Variants in FASTK observed in about 807,000 individuals in gnomAD.
FASTK encodes Fas activated serine/threonine kinase.
Under a neutral mutation model 60.0 loss-of-function variants are expected in FASTK, and 28 were observed. That is an observed-to-expected ratio of 0.47 (90% CI 0.35 to 0.64). The LOEUF (loss-of-function observed/expected upper bound fraction) is 0.64, where lower values mean the gene tolerates loss of function less well. Among genes scored for constraint, FASTK ranks in the 30% least tolerant of loss-of-function variants. The probability of loss-of-function intolerance (pLI) is 0.01; values close to 1 mark genes in which losing one functional copy is unlikely to be tolerated. For synonymous variants in FASTK, 325 were observed against 307.9 expected, an observed-to-expected ratio of 1.06 and a Z score of -0.58; for missense variants, 595 against 713.8, an observed-to-expected ratio of 0.83 and a Z score of 1.90.
Position 151,077,700 on chromosome 7 carries a change from C to G in FASTK, c.1120G>C (p.Gly374Arg). Residue 374 changes from glycine to arginine, a missense_variant, in exon 6 of 10, where the codon GGT (glycine) becomes CGT (arginine). Gly to Arg is a moderately radical substitution (Grantham distance 125). Around this residue, in one of 2 missense-constraint regions of FASTK, gnomAD observed 471 missense variants for 605.9 expected, o/e 0.78. Coordinates refer to ENST00000297532, the MANE Select transcript of FASTK (RefSeq NM_006712.5). ...TGCTGCCTTCGGGGAAGGCGGGGAC[C>G]CCGGTATCCTGGGAGCTCCAGCTCC... ...AVELELPGYR[G>R]PRLPRRQQVP... 6.3e-7 allele frequency: 1 copy of G among 1,589,394 alleles called. No individual in the cohort carries two copies.
At chr7:151,080,422 G>T in intron 1 of FASTK, 1 of 1,178,748 alleles carries the variant, frequency 8.5e-7, no homozygotes, top group South Asian at 3.0e-5. Context: ...TTCCATGCTG[G>T]GCGCTCCCAC....
Position 151,079,834 on chromosome 7 carries a change from T to C in FASTK, c.171A>G (p.Pro57=), listed in dbSNP as rs1797885172. ...ARLSGLLLIP[P]VQPCCLGPSK... is the part of the protein sequence containing the mutation. ...TGGGCCCCAAACAGCAGGGCTGTAC[T>C]GGAGGGATCAGCAGCAGGCCAGACA... Residue 57 remains proline, a synonymous_variant, in exon 2 of 10, where the codon CCA becomes CCG. Transcript: ENST00000297532. The C allele has an allele frequency of 6.2e-7, 1 of 1,602,988 alleles. No individual in the cohort carries two copies. The highest frequency in any genetic ancestry group is 8.5e-7 in the Non-Finnish European group (1 of 1,175,008).
At chr7:151,077,441 C>A (rs1356203738) in intron 6 of FASTK, 40 bp from the exon 7 acceptor site, 22 of 1,595,882 alleles carry the variant, frequency 1.4e-5, no homozygotes, top group Non-Finnish European at 1.8e-5. Context: ...GGGCCCGGCA[C>A]CTCATCCTAA....
rs1797893832 is a variant in FASTK at position 151,079,937 on chromosome 7, A to G, written c.83-15T>C. 6.4e-6 allele frequency: 10 copies of G among 1,556,452 alleles called. No individual in the cohort carries two copies. Among genetic ancestry groups the G allele is most frequent in the Non-Finnish European group, 8.7e-6 (10 of 1,144,742 alleles). On this transcript the variant is annotated splice_polypyrimidine_tract_variant and intron_variant, in intron 1 of 9. Coordinates refer to ENST00000297532, the MANE Select transcript of FASTK (RefSeq NM_006712.5). Reference sequence around the variant, plus strand: ...TGATGGAGACCCTGAGGGGCAGCCCAAAAAAGGGGGTGAGGTTTTCTCCAA... The same window carrying G: ...TGATGGAGACCCTGAGGGGCAGCCCGAAAAAGGGGGTGAGGTTTTCTCCAA...
chr7:151,078,634 C>A lies in FASTK; in HGVS notation c.753G>T (p.Arg251=). 6.2e-7 allele frequency: 1 copy of A among 1,613,504 alleles called. No homozygotes were observed. The highest frequency in any genetic ancestry group is 1.1e-5 in the South Asian group (1 of 91,076). Residue 251 remains arginine, a synonymous_variant, in exon 4 of 10, where the codon CGG becomes CGT. Coordinates refer to ENST00000297532, the MANE Select transcript of FASTK (RefSeq NM_006712.5). ...VLLAQHLARH[R]LREPQLLEAI... is the part of the protein sequence containing the mutation. The stretch of plus-strand genomic sequence containing the variant: ...CTTCCAGAAGCTGGGGCTCCCGCAA[C>A]CGGTGCCGGGCCAGGTGCTGGGCCA...
chr7:151,080,606 G>T, intron 1 of FASTK, 79 bp downstream of exon 1: 1 of 1,355,364 alleles, frequency 7.4e-7, no homozygotes, highest in East Asian at 3.1e-5. Flanking sequence ...GCCCAGGGAC[G>T]CCAGGAGACC....
rs546739829 is a variant in FASTK, at chr7:151,078,758, C to G, written c.686-57G>C. On this transcript the variant is annotated intron_variant, in intron 3 of 9. Transcript: ENST00000297532. ...AGCCGGACCTCCGGCTGGCTCAATT[C>G]CACCTCAGCCCAGCCAACTGAGCCC... 677 of 1,610,116 alleles carry G rather than the reference C, an allele frequency of 4.2e-4. 2 individuals are homozygous for G. The South Asian group carries it at 6.9e-3, about 16-fold the overall frequency.
rs1158523525 is a variant in FASTK, at chr7:151,076,844, G to A, written c.1543-12C>T. The A allele has an allele frequency of 6.2e-7, 1 of 1,605,834 alleles. No individual in the cohort carries two copies. Among genetic ancestry groups the A allele is most frequent in the Non-Finnish European group, 8.5e-7 (1 of 1,175,682 alleles). On this transcript the variant is annotated splice_polypyrimidine_tract_variant and intron_variant, in intron 9 of 9. Coordinates refer to ENST00000297532, the MANE Select transcript of FASTK (RefSeq NM_006712.5). ...TCCTCGAAGGGTAGCTGTGGGGAGA[G>A]GAGAGGGCGGCAGGTTACCCGCAGG...
At position 151,076,985 on chromosome 7, in the gene FASTK, G is replaced by T; in HGVS notation, c.1470C>A (p.Asp490Glu). 1.2e-6 allele frequency: 2 copies of T among 1,612,422 alleles called. No individual in the cohort carries two copies. The highest frequency in any genetic ancestry group is 1.3e-5 in the African/African-American group (1 of 75,070). Reference protein sequence around the residue: ...VLRERWHFCRDGRVLLGSRAL... With the variant: ...VLRERWHFCREGRVLLGSRAL... ...CCCTCGAGCCCAGCAGCACCCGGCC[G>T]TCCCGGCAGAAATGCCAGCGTTCCC... The change falls in exon 9 of 10, where the codon GAC (aspartate) becomes GAA (glutamate). Residue 490 changes from aspartate to glutamate, a missense_variant. Asp to Glu is a conservative substitution (Grantham distance 45). Around this residue, in one of 2 missense-constraint regions of FASTK, gnomAD observed 471 missense variants for 605.9 expected, o/e 0.78. Coordinates refer to ENST00000297532, the MANE Select transcript of FASTK (RefSeq NM_006712.5).
At chr7:151,079,202 C>T (rs1179774966) in intron 2 of FASTK, 181 bp from the exon 3 acceptor site, 6 of 605,998 alleles carry the variant, frequency 9.9e-6, no homozygotes, top group Non-Finnish European at 5.5e-6. Flanking sequence ...GGTATCGAAA[C>T]GGTTTGTAGG....
intron 1 of FASTK, 129 bp from the exon 2 acceptor site, chr7:151,080,051 C>T (rs1442580599): frequency 6.6e-6 from 5 of 756,016 alleles, no homozygotes; most frequent in Admixed American, 6.0e-5. Context: ...TGCTCTGGGC[C>T]TCTTCCCCAC....
chr7:151,078,510 C>G lies in FASTK; in HGVS notation c.825+52G>C, dbSNP rs1328081327. 16 of 1,597,194 alleles carry G rather than the reference C, an allele frequency of 1.0e-5. No individual in the cohort carries two copies. In the East Asian group the frequency reaches 3.4e-4, roughly 34 times the overall value. ...GAGCTGCACGAGGCGCTGGGCCTGA[C>G]AAGGTCCCTGAGAATGACAGAGATG... On this transcript the variant is annotated intron_variant, in intron 4 of 9. Transcript: ENST00000297532.
At chr7:151,077,844 C>T (rs1406931503) in intron 5 of FASTK, 35 bp downstream of exon 5, 1 of 1,602,660 alleles carries the variant, frequency 6.2e-7, no homozygotes, top group African/African-American at 1.3e-5. Flanking sequence ...CCTCTCCAGC[C>T]CTCAGGGGCC....
At chr7:151,080,551 G>A in intron 1 of FASTK, 134 bp downstream of exon 1, 6 of 1,310,948 alleles carry the variant, frequency 4.6e-6, no homozygotes, top group Non-Finnish European at 5.8e-6. Context: ...ACCGCTTTGC[G>A]ATGGCGCGGA....
chr7:151,078,381 A>G (rs1797785695), intron 4 of FASTK, among the ~76,000 whole-genome samples, 181 bp downstream of exon 4: 1 of 152,184 alleles, frequency 6.6e-6, no homozygotes, highest in Admixed American at 6.5e-5. Context: ...ATTTCCAGGA[A>G]TGCATGCTGC....
Position 151,078,051 on chromosome 7 carries a change from G to A in FASTK, c.867C>T (p.Tyr289=), listed in dbSNP as rs754863646. Reference sequence around the variant, plus strand: ...GCATAAACTGCTGTTCCAGGGGCAGGTAGTTCAGTCGCCCAAAGGGCAGGA... The same window carrying A: ...GCATAAACTGCTGTTCCAGGGGCAGATAGTTCAGTCGCCCAAAGGGCAGGA... The part of the protein sequence containing the change: ...KLVLPFGRLN[Y]LPLEQQFMPC... Residue 289 remains tyrosine (Y), a synonymous_variant, in exon 5 of 10, where the codon TAC becomes TAT. Transcript: ENST00000297532. The A allele has an allele frequency of 1.2e-5, 19 of 1,600,262 alleles. No individual in the cohort carries two copies. Among genetic ancestry groups the A allele is most frequent in the Non-Finnish European group, 1.5e-5 (18 of 1,168,696 alleles).
Position 151,078,938 on chromosome 7 carries a change from G to A in FASTK, c.589C>T (p.Gln197Ter), listed in dbSNP as rs781616427. 1 of 1,572,358 alleles carries A rather than the reference G, an allele frequency of 6.4e-7. No homozygotes were observed. The change falls in exon 3 of 10, where the codon CAG (glutamine) becomes TAG (stop). Residue 197 changes from glutamine to a stop codon, truncating the protein, a stop_gained. Coordinates refer to ENST00000297532, the MANE Select transcript of FASTK (RefSeq NM_006712.5). LOFTEE classifies it high-confidence loss of function. Reference sequence around the variant, plus strand: ...CCTTGCCCACCTCGGAGAAGGGGCTGCAAAGGGGGAGGTGGCTTCGGAGGG... The same window carrying A: ...CCTTGCCCACCTCGGAGAAGGGGCTACAAAGGGGGAGGTGGCTTCGGAGGG... The part of the protein sequence containing the change: ...RLPPKPPPPL[Q>*]PLLRGGQGLE...
At chr7:151,079,994 C>G in intron 1 of FASTK, 72 bp from the exon 2 acceptor site, 1 of 1,324,976 alleles carries the variant, frequency 7.5e-7, no homozygotes, top group Non-Finnish European at 1.0e-6. Context: ...TACTGCTTAC[C>G]TCACTCCTCA....
intron 2 of FASTK, 162 bp downstream of exon 2, chr7:151,079,338 G>A (rs115317678): frequency 0.015 from 10,920 of 720,618 alleles, 296 homozygotes; most frequent in African/African-American, 0.097. Flanking sequence ...GAAGGAGTGC[G>A]TTCGACTCAT....
Sources: allele counts gnomAD v4.1 joint callset (sites outside exome capture counted in the v4.1 genomes callset), GRCh38; gene constraint gnomAD v4.1.1; regional missense constraint gnomAD v4.1.1; transcripts MANE v1.5; gene names NCBI Gene and HGNC (gene_info 2026-07-23, HGNC 2026-07-21).